SPEF2: variants seen among roughly 807,000 people sequenced by gnomAD.
SPEF2 encodes the protein sperm flagellar and cilia associated 2.
Under a neutral mutation model 224.6 loss-of-function variants are expected in SPEF2, and 187 were observed. That is an observed-to-expected ratio of 0.83 (90% CI 0.74 to 0.94). The LOEUF (loss-of-function observed/expected upper bound fraction) is 0.94, where lower values mean the gene tolerates loss of function less well. SPEF2 is among the 40% of genes least tolerant of loss of function. SPEF2 has a pLI of 0.00. For synonymous variants in SPEF2, 715 were observed against 707.3 expected (o/e 1.01, Z -0.17); for missense variants, 2,170 against 2,135.6 (o/e 1.02, Z -0.32).
At chr5:35,641,325 A>G (rs930323581) in intron 2 of SPEF2, 106 bp from the exon 3 acceptor site, 92 of 1,286,838 alleles carry the variant, frequency 7.1e-5, no homozygotes, top group Non-Finnish European at 9.3e-5. Flanking sequence ...AGCTAAAAGG[A>G]CATGAAATAA....
chr5:35,696,895 GGGAAGTGTTCCA>G (rs1193995295), intron 14 of SPEF2, among the ~76,000 whole-genome samples: 5 of 152,146 alleles, frequency 3.3e-5, no homozygotes, highest in Non-Finnish European at 7.3e-5. Flanking sequence ...ACTGGATCTG[GGGAAGTGTTCCA>G]GGCCATGAGA....
intron 19 of SPEF2, chr5:35,709,777 T>G: frequency 4.1e-6 from 4 of 985,356 alleles, no homozygotes; most frequent in Non-Finnish European, 4.8e-6. Context: ...AAAAGTGAAG[T>G]GCTTAATTGT....
At chr5:35,652,320 A>G (rs1476849917) in intron 6 of SPEF2, among the ~76,000 whole-genome samples, 2 of 152,194 alleles carry the variant, frequency 1.3e-5, no homozygotes, top group Middle Eastern at 3.2e-3. Flanking sequence ...TGAGAGAGCT[A>G]TTAACCCACG....
Position 35,751,051 on chromosome 5 carries a change from A to G in SPEF2, c.3331-2573A>G, listed in dbSNP as rs1248359117. On this transcript the variant is annotated intron_variant, in intron 23 of 36. Coordinates refer to ENST00000356031, the MANE Select transcript of SPEF2 (RefSeq NM_024867.4). ...TATATATATACACATATGTATATAT[A>G]TATACGTATATATATGTATATATAT... Among the ~76,000 whole-genome samples, 14 of 56,500 alleles carry G rather than the reference A, an allele frequency of 2.5e-4. 3 individuals are homozygous for G. The highest frequency in any genetic ancestry group is 8.5e-4 in the African/African-American group (14 of 16,440). 37.1% of individuals were successfully genotyped at this position (56,500 alleles called of 152,430 possible).
At chr5:35,644,212 T>G in intron 3 of SPEF2, 143 bp from the exon 4 acceptor site, 1 of 626,450 alleles carries the variant, frequency 1.6e-6, no homozygotes, top group East Asian at 3.1e-5. Context: ...TATGAGTAAT[T>G]GGAATGGGGT....
chr5:35,721,888 T>G (rs10051352), intron 20 of SPEF2, among the ~76,000 whole-genome samples: 5,970 of 152,144 alleles, frequency 0.039, 196 homozygotes, highest in African/African-American at 0.075. Context: ...GCCCCTAGGA[T>G]GTAAAGCAAG....
chr5:35,780,238 A>G (rs1754139236), intron 30 of SPEF2, among the ~76,000 whole-genome samples: 1 of 152,238 alleles, frequency 6.6e-6, no homozygotes, highest in Admixed American at 6.5e-5. Flanking sequence ...AACTGACTTT[A>G]GTATTAATAC....
At chr5:35,807,543 G>C in intron 36 of SPEF2, 1 of 1,186,760 alleles carries the variant, frequency 8.4e-7, no homozygotes. Context: ...TGATTGAAGG[G>C]TTTGGAGAAT....
chr5:35,765,060 A>T (rs960711987), intron 26 of SPEF2, among the ~76,000 whole-genome samples: 3 of 152,030 alleles, frequency 2.0e-5, no homozygotes, highest in African/African-American at 7.2e-5. Flanking sequence ...CCCATTTCTA[A>T]CCCACTTCGA....
At chr5:35,801,393 G>C (rs1271271123) in intron 34 of SPEF2, among the ~76,000 whole-genome samples, 2 of 152,070 alleles carry the variant, frequency 1.3e-5, no homozygotes, top group Non-Finnish European at 2.9e-5. Context: ...TGTGCCTGTA[G>C]TCCCAGCTAC....
chr5:35,749,335 A>G (rs763500000), intron 23 of SPEF2, among the ~76,000 whole-genome samples: 12 of 152,150 alleles, frequency 7.9e-5, no homozygotes, highest in Non-Finnish European at 1.6e-4. Context: ...TCAACATAGT[A>G]CTGGAGGTCC....
chr5:35,645,370 C>A (rs914105972), intron 4 of SPEF2, among the ~76,000 whole-genome samples: 5 of 152,150 alleles, frequency 3.3e-5, no homozygotes, highest in Non-Finnish European at 7.4e-5. Context: ...ATTGAGCCAG[C>A]CTCTAAATAA....
chr5:35,757,268 A>T (rs1022414276), intron 24 of SPEF2, among the ~76,000 whole-genome samples: 1 of 152,092 alleles, frequency 6.6e-6, no homozygotes, highest in African/African-American at 2.4e-5. Context: ...CCTTCTAAAA[A>T]TAAATTAGTA....
intron 30 of SPEF2, 109 bp from the exon 31 acceptor site, chr5:35,792,231 A>G (rs889676334): frequency 1.5e-6 from 1 of 649,702 alleles, no homozygotes. Context: ...ACCATTTTAT[A>G]TAATATGAAT....
At chr5:35,714,407 A>G (rs1365536205) in intron 20 of SPEF2, among the ~76,000 whole-genome samples, 1 of 151,760 alleles carries the variant, frequency 6.6e-6, no homozygotes, top group Non-Finnish European at 1.5e-5. Context: ...TTAAAAGCCT[A>G]TTTATGAGGG....
At chr5:35,636,652 A>AT (rs1156800677) in intron 2 of SPEF2, among the ~76,000 whole-genome samples, 1 of 152,010 alleles carries the variant, frequency 6.6e-6, no homozygotes, top group East Asian at 1.9e-4. Context: ...GAAAATGGGG[A>AT]TTTTCACAAC....
intron 23 of SPEF2, among the ~76,000 whole-genome samples, chr5:35,746,463 C>T (rs1748540537): frequency 6.6e-6 from 1 of 151,924 alleles, no homozygotes; most frequent in African/African-American, 2.4e-5. Flanking sequence ...AAATAGATAG[C>T]TAAAAGAAAA....
intron 21 of SPEF2, among the ~76,000 whole-genome samples, chr5:35,737,482 C>T (rs1046060836): frequency 1.9e-4 from 29 of 151,158 alleles, no homozygotes; most frequent in East Asian, 1.2e-3. Flanking sequence ...TTTGTCCTTG[C>T]GATAGTTTGC....
At chr5:35,650,642 A>G (rs1748057463) in intron 6 of SPEF2, among the ~76,000 whole-genome samples, 1 of 152,180 alleles carries the variant, frequency 6.6e-6, no homozygotes, top group South Asian at 2.1e-4. Flanking sequence ...TTTAGCAACC[A>G]TAGTTAAGAT....
Sources: gnomAD v4.1 joint callset for allele counts (sites outside exome capture counted in the v4.1 genomes callset) on GRCh38, gnomAD v4.1.1 for gene constraint, MANE v1.5 for transcripts, NCBI Gene and HGNC (gene_info 2026-07-23, HGNC 2026-07-21) for gene names.